PHACTR1: variants seen among roughly 807,000 people sequenced by gnomAD.
PHACTR1 encodes the protein RPEL repeat containing 1.
In PHACTR1, 16 loss-of-function variants were observed where a neutral mutation model predicts 69.2. That is an observed-to-expected ratio of 0.23 (90% confidence interval 0.16 to 0.35). The LOEUF is 0.35. Ranked by LOEUF, PHACTR1 falls within the 10% of genes least tolerant of loss-of-function variation. The pLI is 1.00. For synonymous variants in PHACTR1, 312 were observed against 284.5 expected (o/e 1.10, Z -0.97); for missense variants, 510 against 734.7 (o/e 0.69, Z 3.54).
chr6:12,868,530 C>T (rs1352475798), intron 4 of PHACTR1, among the ~76,000 whole-genome samples: 1 of 152,076 alleles, frequency 6.6e-6, no homozygotes, highest in Non-Finnish European at 1.5e-5. Context: ...AATCAAGACT[C>T]TTTCATCGAT....
At chr6:13,211,391 G>A (rs117520855) in intron 8 of PHACTR1, among the ~76,000 whole-genome samples, 1 of 151,642 alleles carries the variant, frequency 6.6e-6, no homozygotes, top group African/African-American at 2.4e-5. Flanking sequence ...TGATCTAGTT[G>A]GCATCAATCC....
At chr6:12,854,463 C>T (rs1427592479) in intron 4 of PHACTR1, among the ~76,000 whole-genome samples, 1 of 152,184 alleles carries the variant, frequency 6.6e-6, no homozygotes, top group African/African-American at 2.4e-5. Flanking sequence ...GGATAGAATG[C>T]TTTGTTGTGT....
chr6:12,950,085 C>T (rs768103488), intron 4 of PHACTR1, among the ~76,000 whole-genome samples: 1 of 152,190 alleles, frequency 6.6e-6, no homozygotes, highest in Non-Finnish European at 1.5e-5. Context: ...TTGATAATTT[C>T]TCATCTTTCT....
Position 13,053,420 on chromosome 6 carries a change from C to T in PHACTR1, c.306C>T (p.Thr102=), listed in dbSNP as rs555332075. The change falls in exon 5 of 15, where the codon ACC becomes ACT. Residue 102 remains threonine, a synonymous_variant. Coordinates refer to ENST00000332995, the MANE Select transcript of PHACTR1 (RefSeq NM_030948.6). ...GTTCTGACTCCCTCGTCCCAGGCAC[C>T]CACACCCCACCCATCCGCAGGAGAA... ...AMRSDSLVPG[T]HTPPIRRRSK... 132 of 1,613,562 alleles carry T rather than the reference C, an allele frequency of 8.2e-5. 1 individual carries two copies. In the South Asian group the frequency reaches 1.4e-3, roughly 17 times the overall value.
chr6:12,868,030 C>T (rs1174036108), intron 4 of PHACTR1, among the ~76,000 whole-genome samples: 2 of 152,052 alleles, frequency 1.3e-5, no homozygotes, highest in Non-Finnish European at 1.5e-5. Context: ...GAGGCCAAGG[C>T]GGGCAGATCA....
At chr6:13,130,083 A>G (rs187112179) in intron 5 of PHACTR1, among the ~76,000 whole-genome samples, 51 of 152,284 alleles carry the variant, frequency 3.3e-4, no homozygotes, top group Non-Finnish European at 1.2e-4. Flanking sequence ...TCAAGATGGA[A>G]ATTTAAAAAT....
chr6:13,205,041 T>C (rs1196137074), intron 7 of PHACTR1, among the ~76,000 whole-genome samples: 1 of 152,238 alleles, frequency 6.6e-6, no homozygotes, highest in Admixed American at 6.5e-5. Flanking sequence ...AGGTAATTTG[T>C]GAAGAAAAGA....
intron 10 of PHACTR1, among the ~76,000 whole-genome samples, chr6:13,232,934 G>A (rs1235569798): frequency 1.3e-5 from 2 of 152,186 alleles, no homozygotes; most frequent in African/African-American, 2.4e-5. Flanking sequence ...GGTATGTGAG[G>A]GGCAAATGAA....
intron 5 of PHACTR1, among the ~76,000 whole-genome samples, chr6:13,124,879 C>T (rs1583465061): frequency 6.6e-6 from 1 of 152,160 alleles, no homozygotes; most frequent in East Asian, 1.9e-4. Context: ...AATCCCATCA[C>T]CCATTGGAGG....
intron 5 of PHACTR1, among the ~76,000 whole-genome samples, chr6:13,158,882 C>G (rs1282445833): frequency 6.6e-6 from 1 of 152,230 alleles, no homozygotes; most frequent in Non-Finnish European, 1.5e-5. Context: ...TTTAATTAAT[C>G]TGTATCTGAA....
At chr6:12,939,672 C>G (rs1394868578) in intron 4 of PHACTR1, among the ~76,000 whole-genome samples, 1 of 152,066 alleles carries the variant, frequency 6.6e-6, no homozygotes, top group Non-Finnish European at 1.5e-5. Context: ...CTGCAAGCAA[C>G]CTAAGTGAGC....
At chr6:12,986,194 GC>G (rs762824928) in intron 4 of PHACTR1, among the ~76,000 whole-genome samples, 115 of 152,314 alleles carry the variant, frequency 7.6e-4, no homozygotes, top group Non-Finnish European at 1.2e-3. Context: ...GCTTTCAGGA[GC>G]AGGGGTGGGT....
At chr6:12,974,917 A>T (rs1794678899) in intron 4 of PHACTR1, among the ~76,000 whole-genome samples, 1 of 152,196 alleles carries the variant, frequency 6.6e-6, no homozygotes. Context: ...TTAAGTGTGT[A>T]GAAATTGGGG....
chr6:12,968,370 T>G (rs1436293700), intron 4 of PHACTR1, among the ~76,000 whole-genome samples: 7 of 152,206 alleles, frequency 4.6e-5, no homozygotes, highest in Admixed American at 2.0e-4. Context: ...TGAGTTTCTT[T>G]AATTTTTTTT....
chr6:13,209,607 C>G (rs1248955707), intron 8 of PHACTR1, among the ~76,000 whole-genome samples: 1 of 152,234 alleles, frequency 6.6e-6, no homozygotes, highest in East Asian at 1.9e-4. Context: ...ATGCCTGACA[C>G]TGGACCATAC....
Position 12,986,125 on chromosome 6 carries a change from C to T in PHACTR1, c.251-67240C>T, listed in dbSNP as rs560228352. Among the ~76,000 whole-genome samples the T allele has an allele frequency of 1.2e-4, 19 of 152,272 alleles. No homozygotes were observed. The South Asian group carries it at 2.9e-3, about 23-fold the overall frequency. On this transcript the variant is annotated intron_variant, in intron 4 of 14. Coordinates refer to ENST00000332995, the MANE Select transcript of PHACTR1 (RefSeq NM_030948.6). ...TGCTGGGATTACAGTCATGAGCCAC[C>T]GCGCCTGGGCTAAAAACATGCTAAA... is the stretch of plus-strand genomic sequence containing the variant.
chr6:13,208,405 T>A (rs1766253980), intron 8 of PHACTR1, among the ~76,000 whole-genome samples: 1 of 152,186 alleles, frequency 6.6e-6, no homozygotes, highest in Non-Finnish European at 1.5e-5. Context: ...ATTTTTACAT[T>A]TGTATTATAT....
At chr6:12,720,430 G>A (rs559015338) in intron 3 of PHACTR1, among the ~76,000 whole-genome samples, 18 of 152,344 alleles carry the variant, frequency 1.2e-4, no homozygotes, top group Non-Finnish European at 2.4e-4. Context: ...CGGAAGGAAA[G>A]CAGGCAGTGT....
chr6:13,186,436 C>T (rs1762835906), intron 7 of PHACTR1, among the ~76,000 whole-genome samples: 1 of 152,174 alleles, frequency 6.6e-6, no homozygotes, highest in Admixed American at 6.5e-5. Flanking sequence ...TTCCATCTTC[C>T]TTATTGCTAA....
Sources: gnomAD v4.1 joint callset for allele counts (sites outside exome capture counted in the v4.1 genomes callset) on GRCh38, gnomAD v4.1.1 for gene constraint, MANE v1.5 for transcripts, NCBI Gene and HGNC (gene_info 2026-07-23, HGNC 2026-07-21) for gene names.